ACTR3C: variants seen among roughly 807,000 people sequenced by gnomAD.
ACTR3C encodes actin related protein 3C, also known as actin-related protein 3C.
Under a neutral mutation model 26.3 loss-of-function variants are expected in ACTR3C, and 18 were observed. The ratio of observed to expected loss-of-function variants is 0.68; its 90% CI spans 0.47 to 1.01. The LOEUF (loss-of-function observed/expected upper bound fraction) is 1.01. Ranked by LOEUF, ACTR3C falls within the 50% of genes least tolerant of loss-of-function variation. ACTR3C has a pLI of 0.00. For missense variants in ACTR3C, 184 were observed against 250.7 expected (o/e 0.73, Z 1.80); for synonymous variants, 55 against 94.5 (o/e 0.58, Z 2.42).
chr7:149,999,425 G>C, the ACTR3C span, among the ~76,000 whole-genome samples: 2 of 150,602 alleles, frequency 1.3e-5, no homozygotes, highest in African/African-American at 4.9e-5. Flanking sequence ...GAGTGGAGGT[G>C]TGCCCTGCAC....
At chr7:150,037,769 C>G in the ACTR3C span, among the ~76,000 whole-genome samples, 2 of 46,090 alleles carry the variant, frequency 4.3e-5, no homozygotes, top group African/African-American at 1.1e-4. Context: ...CGGGGGGTGC[C>G]TCCCCCTCCT....
chr7:150,252,124 C>G (rs1309457740), intron 6 of ACTR3C, among the ~76,000 whole-genome samples: 13 of 146,942 alleles, frequency 8.8e-5, no homozygotes, highest in Non-Finnish European at 1.8e-4. Context: ...GTGTATGTGT[C>G]TGTGTGTGTG....
the ACTR3C span, among the ~76,000 whole-genome samples, chr7:150,026,311 A>G: frequency 1.3e-5 from 2 of 152,058 alleles, 1 homozygote; most frequent in South Asian, 4.1e-4. Flanking sequence ...ATAAAATAGC[A>G]TGCATGCACA....
chr7:150,300,467 G>C (rs1264328513), intron 1 of ACTR3C, among the ~76,000 whole-genome samples: 1 of 152,106 alleles, frequency 6.6e-6, no homozygotes, highest in Non-Finnish European at 1.5e-5. Flanking sequence ...GGGTAAGGGC[G>C]GCTTCCTCTA....
At chr7:149,965,050 TTCAGGC>T in the ACTR3C span, among the ~76,000 whole-genome samples, 1 of 151,982 alleles carries the variant, frequency 6.6e-6, no homozygotes, top group Non-Finnish European at 1.5e-5. Context: ...TTTTTGTATT[TTCAGGC>T]TAATATTTAA....
the ACTR3C span, among the ~76,000 whole-genome samples, chr7:150,103,036 A>T: frequency 6.6e-6 from 1 of 151,882 alleles, no homozygotes; most frequent in Non-Finnish European, 1.5e-5. Flanking sequence ...TGTATAAATG[A>T]ACATTCTCAG....
intron 6 of ACTR3C, among the ~76,000 whole-genome samples, chr7:150,276,276 CA>C (rs1460595778): frequency 6.6e-6 from 1 of 152,112 alleles, no homozygotes; most frequent in Non-Finnish European, 1.5e-5. Flanking sequence ...ATTTAACAGA[CA>C]CACAGTGCCA....
At chr7:149,918,941 AGTG>A in the ACTR3C span, among the ~76,000 whole-genome samples, 1 of 152,128 alleles carries the variant, frequency 6.6e-6, no homozygotes, top group Non-Finnish European at 1.5e-5. Context: ...CTGAGGAGCA[AGTG>A]CGGACAGCCC....
At chr7:150,076,689 A>G in the ACTR3C span, 9 of 152,230 alleles carry the variant, frequency 5.9e-5, no homozygotes, top group African/African-American at 2.2e-4. Context: ...AAGGTAGTAG[A>G]ACTCAACCTA....
the ACTR3C span, among the ~76,000 whole-genome samples, chr7:150,140,922 A>C: frequency 6.6e-6 from 1 of 152,282 alleles, no homozygotes; most frequent in Non-Finnish European, 1.5e-5. Context: ...TCCAGTGAAC[A>C]CATGAATGAT....
At chr7:150,052,287 T>A in the ACTR3C span, among the ~76,000 whole-genome samples, 2 of 151,928 alleles carry the variant, frequency 1.3e-5, no homozygotes, top group East Asian at 1.9e-4. Context: ...TTTTTGTTTT[T>A]TGCAAGAGAA....
intron 1 of ACTR3C, among the ~76,000 whole-genome samples, chr7:150,322,339 C>A (rs988918443): frequency 1.3e-5 from 2 of 152,242 alleles, no homozygotes; most frequent in African/African-American, 4.8e-5. Flanking sequence ...AGATACAGGT[C>A]ATACAGACCT....
chr7:150,172,411 A>C, the ACTR3C span, among the ~76,000 whole-genome samples: 3 of 150,618 alleles, frequency 2.0e-5, no homozygotes, highest in Non-Finnish European at 4.4e-5. Context: ...CAGATCTCAC[A>C]AGACTTATTC....
the ACTR3C span, among the ~76,000 whole-genome samples, chr7:149,986,643 C>A: frequency 6.6e-6 from 1 of 152,090 alleles, no homozygotes; most frequent in South Asian, 2.1e-4. Context: ...AAACTCATTG[C>A]ATTGAATGTT....
chr7:150,244,412 G>A (rs1330675155), downstream of ACTR3C: 1 of 151,702 alleles, frequency 6.6e-6, no homozygotes, highest in South Asian at 2.1e-4. Flanking sequence ...TTGTGGAACT[G>A]TAAAATAACT....
the ACTR3C span, among the ~76,000 whole-genome samples, chr7:149,944,470 G>A: frequency 6.6e-6 from 1 of 151,980 alleles, no homozygotes; most frequent in African/African-American, 2.4e-5. Context: ...TATGGACTGA[G>A]GCCTGCTCTG....
intron 6 of ACTR3C, among the ~76,000 whole-genome samples, chr7:150,275,211 A>G (rs1010737002): frequency 6.6e-6 from 1 of 152,224 alleles, no homozygotes; most frequent in African/African-American, 2.4e-5. Context: ...ACCTAAATAC[A>G]GAAAAAAGAG....
At chr7:150,080,527 ATG>A in the ACTR3C span, among the ~76,000 whole-genome samples, 50,743 of 142,230 alleles carry the variant, frequency 0.36, 9,028 homozygotes, top group East Asian at 0.6. Flanking sequence ...TTGTGTGTGT[ATG>A]TGTGTGTGTG....
the ACTR3C span, among the ~76,000 whole-genome samples, chr7:150,093,307 G>A: frequency 1.3e-5 from 2 of 151,144 alleles, no homozygotes; most frequent in Admixed American, 1.3e-4. Context: ...TGCTTGATCG[G>A]TGATTTTTCA....
Sources: gnomAD v4.1 joint callset for allele counts (sites outside exome capture counted in the v4.1 genomes callset) on GRCh38, gnomAD v4.1.1 for gene constraint, MANE v1.5 for transcripts, NCBI Gene and HGNC (gene_info 2026-07-23, HGNC 2026-07-21) for gene names.